GRID1: variants seen among roughly 807,000 people sequenced by gnomAD.
GRID1 encodes glutamate receptor ionotropic, delta-1.
A neutral mutation model predicts 98.0 loss-of-function variants in GRID1; 28 were observed. The ratio of observed to expected loss-of-function variants is 0.29; its 90% CI spans 0.21 to 0.39. The LOEUF is 0.39. GRID1 is among the 10% of genes least tolerant of loss of function. GRID1 has a pLI of 1.00. For synonymous variants in GRID1, 553 were observed against 538.5 expected, an observed-to-expected ratio of 1.03 and a Z score of -0.37; for missense variants, 1,111 against 1,340.5, an observed-to-expected ratio of 0.83 and a Z score of 2.67.
intron 4 of GRID1, among the ~76,000 whole-genome samples, chr10:86,111,634 AACCC>A (rs1844485976): frequency 1.3e-5 from 2 of 152,240 alleles, no homozygotes; most frequent in South Asian, 4.1e-4. Context: ...TAAAGGGGTT[AACCC>A]AAGCTACATT....
At chr10:86,360,272 GA>G (rs1848584109) in intron 2 of GRID1, among the ~76,000 whole-genome samples, 1 of 152,144 alleles carries the variant, frequency 6.6e-6, no homozygotes. Flanking sequence ...TGTTAAATAG[GA>G]AAAAATAACA....
chr10:86,115,186 T>A (rs1844556068), intron 4 of GRID1, among the ~76,000 whole-genome samples: 1 of 152,062 alleles, frequency 6.6e-6, no homozygotes, highest in African/African-American at 2.4e-5. Context: ...TGGCTGTGAG[T>A]TATGAAAAGG....
intron 4 of GRID1, among the ~76,000 whole-genome samples, chr10:86,106,760 C>T (rs757993126): frequency 2.6e-5 from 4 of 152,070 alleles, no homozygotes; most frequent in Admixed American, 6.5e-5. Context: ...AGCAAGGGAA[C>T]GAAGGGCAGG....
At chr10:85,673,930 A>G (rs1841115617) in intron 12 of GRID1, among the ~76,000 whole-genome samples, 2 of 151,504 alleles carry the variant, frequency 1.3e-5, no homozygotes, top group South Asian at 4.2e-4. Context: ...TTTAGATGGG[A>G]CCAGTTTATT....
chr10:86,303,038 A>G (rs1847712769), intron 2 of GRID1, among the ~76,000 whole-genome samples: 1 of 152,222 alleles, frequency 6.6e-6, no homozygotes. Context: ...AATCAGGTAT[A>G]AGAGATATTT....
chr10:86,241,112 G>C (rs1018598091), intron 2 of GRID1, among the ~76,000 whole-genome samples: 1 of 152,246 alleles, frequency 6.6e-6, no homozygotes, highest in Non-Finnish European at 1.5e-5. Flanking sequence ...CCAGTGCTCT[G>C]TGAGGGGTCC....
At chr10:85,748,078 C>T (rs1466387720) in intron 8 of GRID1, among the ~76,000 whole-genome samples, 1 of 152,104 alleles carries the variant, frequency 6.6e-6, no homozygotes, top group Admixed American at 6.5e-5. Flanking sequence ...GAGTGAGGTG[C>T]ACCTGCCCAC....
intron 8 of GRID1, among the ~76,000 whole-genome samples, chr10:85,784,746 G>A (rs1405600851): frequency 1.3e-5 from 2 of 152,208 alleles, no homozygotes; most frequent in Non-Finnish European, 2.9e-5. Context: ...TAGAGGCTGG[G>A]TGGGATTTGA....
At chr10:85,681,260 A>G (rs1841205298) in intron 12 of GRID1, among the ~76,000 whole-genome samples, 1 of 152,130 alleles carries the variant, frequency 6.6e-6, no homozygotes, top group South Asian at 2.1e-4. Flanking sequence ...CCAGGAAAAG[A>G]GCAAAGGAAC....
intron 4 of GRID1, among the ~76,000 whole-genome samples, chr10:86,059,574 C>T (rs1426641351): frequency 6.6e-6 from 1 of 152,230 alleles, no homozygotes; most frequent in Non-Finnish European, 1.5e-5. Flanking sequence ...TCCTGACAAA[C>T]TCTCCTGTTA....
intron 4 of GRID1, among the ~76,000 whole-genome samples, chr10:86,082,315 A>G (rs1843988875): frequency 6.6e-6 from 1 of 152,218 alleles, no homozygotes; most frequent in Non-Finnish European, 1.5e-5. Context: ...GACCCATTTG[A>G]GGGCAGGTGG....
intron 4 of GRID1, among the ~76,000 whole-genome samples, chr10:86,013,927 A>G (rs1052266086): frequency 1.3e-5 from 2 of 152,202 alleles, no homozygotes; most frequent in Admixed American, 1.3e-4. Flanking sequence ...AGAAGAAAAA[A>G]CAAGATGCTG....
At chr10:86,344,113 G>A (rs1310195756) in intron 2 of GRID1, among the ~76,000 whole-genome samples, 1 of 152,252 alleles carries the variant, frequency 6.6e-6, no homozygotes, top group Non-Finnish European at 1.5e-5. Flanking sequence ...TCTCTGGGGT[G>A]GAGCCTGGGC....
chr10:86,216,559 G>T (rs908719478), intron 2 of GRID1, among the ~76,000 whole-genome samples: 3 of 152,200 alleles, frequency 2.0e-5, no homozygotes, highest in African/African-American at 7.2e-5. Flanking sequence ...CTGCATGAAT[G>T]AGTCAAGAGT....
chr10:85,959,682 C>A (rs989089778), intron 4 of GRID1, among the ~76,000 whole-genome samples: 3 of 152,246 alleles, frequency 2.0e-5, no homozygotes, highest in East Asian at 1.9e-4. Flanking sequence ...TTTTGAGATT[C>A]ATCTTTGTCA....
At chr10:86,074,704 T>C (rs959589447) in intron 4 of GRID1, among the ~76,000 whole-genome samples, 1 of 152,206 alleles carries the variant, frequency 6.6e-6, no homozygotes, top group Non-Finnish European at 1.5e-5. Flanking sequence ...TTTCCTTGGA[T>C]AGAACTCAGC....
intron 3 of GRID1, among the ~76,000 whole-genome samples, chr10:86,178,599 G>A (rs1845610900): frequency 1.3e-5 from 2 of 151,674 alleles, no homozygotes. Flanking sequence ...TGACCAGCAG[G>A]CGGCTCGTGC....
intron 12 of GRID1, chr10:85,708,643 T>G (rs1326455413): frequency 6.6e-6 from 1 of 152,236 alleles, no homozygotes; most frequent in Non-Finnish European, 1.5e-5. Flanking sequence ...AATGAAGTTG[T>G]GGCTTACATA....
At chr10:86,165,122 A>G (rs1344981196) in intron 3 of GRID1, among the ~76,000 whole-genome samples, 1 of 152,118 alleles carries the variant, frequency 6.6e-6, no homozygotes. Context: ...GGGGGTTTCA[A>G]TCAACCCCAG....
Sources: allele counts gnomAD v4.1 joint callset (sites outside exome capture counted in the v4.1 genomes callset), GRCh38; gene constraint gnomAD v4.1.1; transcripts MANE v1.5; gene names NCBI Gene and HGNC (gene_info 2026-07-23, HGNC 2026-07-21).